Variants in FLACC1 observed in about 807,000 individuals in gnomAD.
FLACC1 encodes flagellum-associated coiled-coil domain-containing protein 1.
Under a neutral mutation model 62.8 loss-of-function variants are expected in FLACC1, and 66 were observed. The ratio of observed to expected loss-of-function variants is 1.05; its 90% CI spans 0.86 to 1.29. The LOEUF (loss-of-function observed/expected upper bound fraction) is 1.29. Ranked by LOEUF, FLACC1 falls within the 50% of genes most tolerant of loss-of-function variation. FLACC1 has a pLI of 0.00. For synonymous variants in FLACC1, 156 were observed against 161.0 expected (o/e 0.97, Z 0.24); for missense variants, 452 against 489.1 (o/e 0.92, Z 0.71).
At chr2:201,355,176 T>C (rs1263115508) in intron 1 of FLACC1, among the ~76,000 whole-genome samples, 2 of 151,682 alleles carry the variant, frequency 1.3e-5, no homozygotes, top group African/African-American at 4.8e-5. Flanking sequence ...TCCCAGCTAC[T>C]CGGGAGGCTA....
At chr2:201,299,008 T>C (rs1320080879) in intron 12 of FLACC1, among the ~76,000 whole-genome samples, 1 of 152,252 alleles carries the variant, frequency 6.6e-6, no homozygotes, top group African/African-American at 2.4e-5. Context: ...ACATAGTATA[T>C]TGCTGATCTA....
At chr2:201,359,941 T>TAA (rs34856709), upstream of FLACC1, among the ~76,000 whole-genome samples, 52 of 147,740 alleles carry the variant, frequency 3.5e-4, no homozygotes, top group Middle Eastern at 3.5e-3. Context: ...TTCTTATGAT[T>TAA]AAAAAAAAAA....
At chr2:201,344,334 A>G in intron 5 of FLACC1, 71 bp from the exon 6 acceptor site, 1 of 1,312,398 alleles carries the variant, frequency 7.6e-7, no homozygotes, top group Non-Finnish European at 1.1e-6. Context: ...CCTGAGCATG[A>G]CTGACTCTGG....
intron 9 of FLACC1, among the ~76,000 whole-genome samples, chr2:201,314,016 G>C (rs952016113): frequency 6.6e-6 from 1 of 152,204 alleles, no homozygotes; most frequent in African/African-American, 2.4e-5. Flanking sequence ...AAAAGGGGGA[G>C]AGTACTACAT....
intron 9 of FLACC1, among the ~76,000 whole-genome samples, chr2:201,321,595 G>A (rs1950404724): frequency 6.6e-6 from 1 of 152,168 alleles, no homozygotes; most frequent in African/African-American, 2.4e-5. Flanking sequence ...CAGGGTGACT[G>A]CATCCCCATA....
Position 201,289,798 on chromosome 2 carries a change from A to C in FLACC1, c.943-13T>G. On this transcript the variant is annotated splice_polypyrimidine_tract_variant and intron_variant, in intron 12 of 14. Coordinates refer to ENST00000392257, the MANE Select transcript of FLACC1 (RefSeq NM_001127391.3). ...CTTCCTGCATGACCTGCATAAGAAG[A>C]AGCTGTTGCAGGACATCATGCCAAT... 1 of 1,614,210 alleles carries C rather than the reference A, an allele frequency of 6.2e-7. No individual in the cohort carries two copies. Among genetic ancestry groups the C allele is most frequent in the Admixed American group, 1.7e-5 (1 of 60,028 alleles).
intron 7 of FLACC1, among the ~76,000 whole-genome samples, chr2:201,340,852 C>T (rs190150446): frequency 2.6e-5 from 4 of 152,316 alleles, no homozygotes; most frequent in Admixed American, 2.0e-4. Flanking sequence ...ATTTCTCCCT[C>T]AACTGGGGAA....
rs904990771 is a variant in FLACC1, at chr2:201,357,081, T to A, written c.-147A>T. 4 of 152,200 alleles carry A rather than the reference T, an allele frequency of 2.6e-5. No homozygotes were observed. Among genetic ancestry groups the A allele is most frequent in the African/African-American group, 4.8e-5 (2 of 41,444 alleles). 9.4% of individuals were successfully genotyped at this position (152,200 alleles called of 1,614,324 possible). ...GAAATGGTTCCCCATCAACACAGAATCAGAGTTTACTTTAGATCAAAAGCC... is the reference window on the plus strand; with the variant it reads ...GAAATGGTTCCCCATCAACACAGAAACAGAGTTTACTTTAGATCAAAAGCC... On this transcript the variant is annotated 5_prime_UTR_variant, in exon 1 of 15. Coordinates refer to ENST00000392257, the MANE Select transcript of FLACC1 (RefSeq NM_001127391.3).
chr2:201,295,560 A>G (rs1451068659), intron 12 of FLACC1, among the ~76,000 whole-genome samples: 2 of 152,220 alleles, frequency 1.3e-5, no homozygotes, highest in Non-Finnish European at 2.9e-5. Flanking sequence ...TAAAAACCCT[A>G]GAAGAAAATC....
At chr2:201,294,796 C>T (rs536263069) in intron 12 of FLACC1, among the ~76,000 whole-genome samples, 2 of 152,230 alleles carry the variant, frequency 1.3e-5, no homozygotes, top group Admixed American at 1.3e-4. Flanking sequence ...CCAAAATCTC[C>T]TTAAGCTGAT....
Position 201,348,232 on chromosome 2 carries a change from G to A in FLACC1, c.234+22C>T, listed in dbSNP as rs368462267. The A allele has an allele frequency of 6.2e-4, 993 of 1,610,062 alleles. 3 individuals are homozygous for A. Among genetic ancestry groups the A allele is most frequent in the Admixed American group, 1.9e-3 (114 of 59,620 alleles). ...GCACTCAATAAATTTTAGTCCCACC[G>A]CCCTCTCCTGCCTTTACTCACATAA... is the stretch of plus-strand genomic sequence containing the variant. On this transcript the variant is annotated intron_variant, in intron 4 of 14. Transcript: ENST00000392257.
chr2:201,355,271 C>A (rs550261625), intron 1 of FLACC1, among the ~76,000 whole-genome samples: 13 of 152,182 alleles, frequency 8.5e-5, no homozygotes, highest in Non-Finnish European at 1.8e-4. Context: ...GATGACAGAA[C>A]AAGACTCTGT....
chr2:201,343,096 G>T (rs560308456), intron 6 of FLACC1, among the ~76,000 whole-genome samples: 52 of 152,284 alleles, frequency 3.4e-4, no homozygotes, highest in African/African-American at 1.2e-3. Flanking sequence ...ACAACAAGTG[G>T]TCAGCAGAGC....
intron 7 of FLACC1, among the ~76,000 whole-genome samples, chr2:201,335,510 T>G (rs1008621141): frequency 1.3e-5 from 2 of 152,170 alleles, no homozygotes; most frequent in African/African-American, 4.8e-5. Flanking sequence ...AATTTATTTA[T>G]AGGCCTCTAT....
chr2:201,305,872 G>C (rs1460103294), intron 11 of FLACC1, among the ~76,000 whole-genome samples: 3 of 150,864 alleles, frequency 2.0e-5, no homozygotes, highest in African/African-American at 7.3e-5. Context: ...TTCGTAGGTA[G>C]GAAATGAACA....
chr2:201,357,689 A>G (rs1478020536), upstream of FLACC1, among the ~76,000 whole-genome samples: 1 of 152,174 alleles, frequency 6.6e-6, no homozygotes, highest in Admixed American at 6.5e-5. Flanking sequence ...TCTGTGATCT[A>G]CTCACAGAAA....
intron 9 of FLACC1, among the ~76,000 whole-genome samples, chr2:201,315,534 T>C (rs1950292939): frequency 1.3e-5 from 2 of 152,086 alleles, no homozygotes; most frequent in African/African-American, 4.8e-5. Context: ...CACCTAACAC[T>C]GGAGCTCCCA....
chr2:201,320,731 C>G (rs898847422), intron 9 of FLACC1, among the ~76,000 whole-genome samples: 2 of 152,224 alleles, frequency 1.3e-5, no homozygotes, highest in Non-Finnish European at 2.9e-5. Context: ...AACCCTCACC[C>G]TGCTTTGCCC....
Position 201,313,018 on chromosome 2 carries a change from A to G in FLACC1, c.676-3768T>C, listed in dbSNP as rs936077373. 1.4e-4 allele frequency among the ~76,000 whole-genome samples: 21 copies of G among 152,312 alleles called. No homozygotes were observed. In the East Asian group the frequency reaches 3.3e-3, roughly 24 times the overall value. On this transcript the variant is annotated intron_variant, in intron 9 of 14. Transcript: ENST00000392257. ...TGGAGCTGAGTCAATTTAGAGAACCAAGTGAAATATAGGGGTAAAGGAAGT... is the reference window on the plus strand; with the variant it reads ...TGGAGCTGAGTCAATTTAGAGAACCGAGTGAAATATAGGGGTAAAGGAAGT...
Sources: gnomAD v4.1 joint callset for allele counts (sites outside exome capture counted in the v4.1 genomes callset) on GRCh38, gnomAD v4.1.1 for gene constraint, MANE v1.5 for transcripts, NCBI Gene and HGNC (gene_info 2026-07-23, HGNC 2026-07-21) for gene names.